MRTFB: variants seen among roughly 807,000 people sequenced by gnomAD.
The protein encoded by MRTFB is myocardin related transcription factor B.
In MRTFB, 29 loss-of-function variants were observed where a neutral mutation model predicts 104.2. That is an observed-to-expected ratio of 0.28 (90% confidence interval 0.21 to 0.38). The LOEUF is 0.38. MRTFB is among the 10% of genes least tolerant of loss of function. The probability of loss-of-function intolerance (pLI) is 1.00; values close to 1 mark genes in which losing one functional copy is unlikely to be tolerated. For missense variants in MRTFB, 1,270 were observed against 1,341.6 expected (o/e 0.95, Z 0.83); for synonymous variants, 535 against 519.5 (o/e 1.03, Z -0.41).
chr16:14,104,755 C>T (rs985723532), intron 2 of MRTFB, among the ~76,000 whole-genome samples: 1 of 152,188 alleles, frequency 6.6e-6, no homozygotes, highest in African/African-American at 2.4e-5. Flanking sequence ...TTAGGATTTA[C>T]TTAATGCAGG....
intron 5 of MRTFB, among the ~76,000 whole-genome samples, chr16:14,212,984 A>T (rs1422856540): frequency 6.6e-6 from 1 of 152,236 alleles, no homozygotes; most frequent in East Asian, 1.9e-4. Flanking sequence ...GAAAATTTCT[A>T]TCATGCAACA....
the MRTFB span, among the ~76,000 whole-genome samples, chr16:14,050,415 G>A: frequency 4.5e-3 from 691 of 152,120 alleles, 6 homozygotes; most frequent in African/African-American, 0.016. Flanking sequence ...CTGGGCTGGA[G>A]TGCAGTGGTG....
chr16:14,079,903 T>C (rs2034294392), intron 2 of MRTFB, among the ~76,000 whole-genome samples: 2 of 152,194 alleles, frequency 1.3e-5, no homozygotes, highest in Admixed American at 1.3e-4. Context: ...TATAGAAGAA[T>C]TTATATACAA....
At position 14,091,944 on chromosome 16, in the gene MRTFB, G is replaced by A. The variant is rs562840806; in HGVS notation, c.-64+12590G>A. On this transcript the variant is annotated intron_variant, in intron 2 of 16. Transcript: ENST00000571589. ...CGGGAGGCGGAGGTTGCAGTGAGCC[G>A]AGATCATGCCACTGCCCTCCAGCCT... 1.0e-4 allele frequency among the ~76,000 whole-genome samples: 14 copies of A among 140,186 alleles called. No homozygotes were observed. The East Asian group carries it at 1.9e-3, about 19-fold the overall frequency. The allele number at this position is 140,186 out of a possible 152,430, so 92.0% of individuals were successfully genotyped here.
intron 2 of MRTFB, among the ~76,000 whole-genome samples, chr16:14,102,929 A>G (rs140404949): frequency 9.0e-4 from 137 of 152,326 alleles, no homozygotes; most frequent in African/African-American, 3.2e-3. Flanking sequence ...GAAGTAGAGC[A>G]TGTTGAGTGA....
At chr16:14,159,916 C>G (rs1215811829) in intron 3 of MRTFB, among the ~76,000 whole-genome samples, 1 of 114,964 alleles carries the variant, frequency 8.7e-6, no homozygotes, top group South Asian at 2.9e-4. Context: ...GGCGACAGAG[C>G]GAGACTCCGT....
At chr16:14,157,309 AAG>A (rs2038863642) in intron 3 of MRTFB, among the ~76,000 whole-genome samples, 1 of 152,218 alleles carries the variant, frequency 6.6e-6, no homozygotes, top group Non-Finnish European at 1.5e-5. Flanking sequence ...TAGGTTGATA[AAG>A]AGTTTTGAGT....
chr16:14,164,702 A>T (rs2039168551), intron 3 of MRTFB, among the ~76,000 whole-genome samples: 1 of 152,216 alleles, frequency 6.6e-6, no homozygotes, highest in Non-Finnish European at 1.5e-5. Context: ...CAGTTTTGCA[A>T]GATGGATAAG....
intron 1 of MRTFB, among the ~76,000 whole-genome samples, chr16:14,076,425 C>G (rs1475276345): frequency 2.6e-5 from 4 of 152,158 alleles, no homozygotes; most frequent in Non-Finnish European, 4.4e-5. Context: ...AAACTCCTGA[C>G]CTCAGGTTAT....
intron 3 of MRTFB, chr16:14,200,897 AT>A: frequency 6.9e-7 from 1 of 1,450,862 alleles, no homozygotes; most frequent in Middle Eastern, 1.7e-4. Flanking sequence ...AGCAGAAAGA[AT>A]TTAACCAGCA....
At chr16:14,095,418 G>A (rs1294571058) in intron 2 of MRTFB, among the ~76,000 whole-genome samples, 2 of 152,186 alleles carry the variant, frequency 1.3e-5, no homozygotes, top group Non-Finnish European at 2.9e-5. Flanking sequence ...CACTCTACCT[G>A]CCTGTAAAAT....
chr16:14,079,987 G>A (rs185746125), intron 2 of MRTFB, among the ~76,000 whole-genome samples: 5 of 152,226 alleles, frequency 3.3e-5, no homozygotes, highest in Admixed American at 2.0e-4. Flanking sequence ...ACATCTCTGC[G>A]GGAATTGGAA....
chr16:14,204,664 G>A (rs1028464886), intron 3 of MRTFB, among the ~76,000 whole-genome samples: 1 of 152,150 alleles, frequency 6.6e-6, no homozygotes, highest in Admixed American at 6.5e-5. Flanking sequence ...TTATTGAAAT[G>A]TAATAGAAAA....
chr16:14,158,058 C>T (rs1354068299), intron 3 of MRTFB, among the ~76,000 whole-genome samples: 3 of 152,022 alleles, frequency 2.0e-5, no homozygotes, highest in Non-Finnish European at 4.4e-5. Context: ...GATAGTTCCC[C>T]CACTTTTGCT....
intron 8 of MRTFB, among the ~76,000 whole-genome samples, chr16:14,230,801 A>G (rs1448131894): frequency 6.6e-6 from 1 of 152,074 alleles, no homozygotes; most frequent in Non-Finnish European, 1.5e-5. Context: ...CCAAAGGACT[A>G]TAAATCATGC....
the MRTFB span, among the ~76,000 whole-genome samples, chr16:14,063,118 T>G: frequency 1.3e-5 from 2 of 152,218 alleles, no homozygotes; most frequent in Non-Finnish European, 2.9e-5. Flanking sequence ...TCCTACATCC[T>G]GCCCATCCTT....
chr16:14,203,031 A>G (rs2040776076), intron 3 of MRTFB, among the ~76,000 whole-genome samples: 1 of 152,162 alleles, frequency 6.6e-6, no homozygotes, highest in Non-Finnish European at 1.5e-5. Flanking sequence ...TGAAACTAGG[A>G]TCTGTTTATT....
chr16:14,109,988 A>T (rs573705704), intron 2 of MRTFB, among the ~76,000 whole-genome samples: 12 of 152,328 alleles, frequency 7.9e-5, no homozygotes, highest in Non-Finnish European at 1.5e-4. Flanking sequence ...GGAGAGGAAA[A>T]AGGAAACCAT....
intron 2 of MRTFB, among the ~76,000 whole-genome samples, chr16:14,127,707 C>T (rs2037189391): frequency 6.6e-6 from 1 of 150,438 alleles, no homozygotes; most frequent in Non-Finnish European, 1.5e-5. Flanking sequence ...CACTCCATTG[C>T]ACCGTCCCAC....
Sources: allele counts gnomAD v4.1 joint callset (sites outside exome capture counted in the v4.1 genomes callset), GRCh38; gene constraint gnomAD v4.1.1; transcripts MANE v1.5; gene names NCBI Gene and HGNC (gene_info 2026-07-23, HGNC 2026-07-21).